SH3GL3: variants seen among roughly 807,000 people sequenced by gnomAD.
SH3GL3 encodes the protein SH3 domain containing GRB2 like 3, endophilin A3.
A neutral mutation model predicts 47.7 loss-of-function variants in SH3GL3; 33 were observed. The observed-to-expected ratio is 0.69, with a 90% CI of 0.52 to 0.92. SH3GL3 has a LOEUF of 0.92. Among genes scored for constraint, SH3GL3 ranks in the 40% least tolerant of loss-of-function variants. The pLI, the probability that SH3GL3 is intolerant of heterozygous loss-of-function variation, is 0.00. For synonymous variants in SH3GL3, 155 were observed against 148.8 expected (o/e 1.04, Z -0.30); for missense variants, 363 against 417.8 (o/e 0.87, Z 1.14).
chr15:83,525,185 G>C (rs986131548), intron 1 of SH3GL3, among the ~76,000 whole-genome samples: 10 of 151,666 alleles, frequency 6.6e-5, no homozygotes, highest in African/African-American at 2.4e-4. Context: ...TTGTCTTTTT[G>C]TTGATAGCCA....
At chr15:83,499,160 T>C (rs2042197502) in intron 1 of SH3GL3, among the ~76,000 whole-genome samples, 1 of 152,138 alleles carries the variant, frequency 6.6e-6, no homozygotes, top group African/African-American at 2.4e-5. Flanking sequence ...TTGCCTCTCA[T>C]GATCAGGGGC....
chr15:83,591,760 ACTGCAAGCTCCGCCTC>A (rs1338662060), intron 8 of SH3GL3, among the ~76,000 whole-genome samples: 1 of 152,096 alleles, frequency 6.6e-6, no homozygotes, highest in African/African-American at 2.4e-5. Flanking sequence ...ATCTCGGCTC[ACTGCAAGCTCCGCCTC>A]CTGGGTTCAG....
Position 83,568,660 on chromosome 15 carries a change from G to C in SH3GL3, c.319G>C (p.Asp107His). Residue 107 changes from aspartate (D) to histidine (H), a missense_variant, in exon 4 of 9, where the codon GAC becomes CAC. By Grantham distance (81) the Asp-to-His change is moderately conservative (BLOSUM62 -1). Coordinates refer to ENST00000427482, the MANE Select transcript of SH3GL3 (RefSeq NM_003027.5). The stretch of plus-strand genomic sequence containing the variant: ...GAAATACGGGAAGGAGCTCGGGGAA[G>C]ACTCCACCTTTGGTGAGTTATTCAG... Reference protein sequence around the residue: ...MLKYGKELGEDSTFGNALIEV... With the variant: ...MLKYGKELGEHSTFGNALIEV... 6.2e-7 allele frequency: 1 copy of C among 1,613,752 alleles called. No individual in the cohort carries two copies. Among genetic ancestry groups the C allele is most frequent in the Non-Finnish European group, 8.5e-7 (1 of 1,179,766 alleles).
At chr15:83,519,954 C>T (rs1246680916) in intron 1 of SH3GL3, among the ~76,000 whole-genome samples, 1 of 152,206 alleles carries the variant, frequency 6.6e-6, no homozygotes, top group Non-Finnish European at 1.5e-5. Context: ...TGCAAGCTAA[C>T]AAGTTAGCCT....
chr15:83,590,995 A>G (rs1354533296), intron 8 of SH3GL3, among the ~76,000 whole-genome samples: 1 of 152,088 alleles, frequency 6.6e-6, no homozygotes, highest in East Asian at 1.9e-4. Flanking sequence ...GCCCTAAATA[A>G]TAAATATTTT....
chr15:83,588,585 C>G, intron 7 of SH3GL3, 77 bp from the exon 8 acceptor site: 1 of 915,280 alleles, frequency 1.1e-6, no homozygotes. Flanking sequence ...TTCCTGTGCT[C>G]AACAAGGCAG....
intron 1 of SH3GL3, chr15:83,490,622 C>T (rs1226014049): frequency 9.1e-6 from 6 of 658,018 alleles, no homozygotes; most frequent in Non-Finnish European, 1.5e-5. Flanking sequence ...CTAGTTCAGC[C>T]TGGCACAGTA....
In SH3GL3 at chr15:83,587,022, G is replaced by T. The variant is rs779211967; in HGVS notation, c.664G>T (p.Ala222Ser). 8.1e-6 allele frequency: 13 copies of T among 1,610,888 alleles called. No individual in the cohort carries two copies. Among genetic ancestry groups the T allele is most frequent in the Non-Finnish European group, 1.1e-5 (13 of 1,178,626 alleles). Residue 222 changes from alanine (A) to serine (S), a missense_variant, in exon 7 of 9, where the codon GCA becomes TCA. By Grantham distance (99) the Ala-to-Ser change is moderately conservative (BLOSUM62 1). Transcript: ENST00000427482. ...VSQLAVFIEA[A>S]LDYHRQSTEI... ...CCAGTTGGCTGTGTTCATAGAGGCA[G>T]CATTAGACTATCACAGACAGTCCAC...
At chr15:83,579,675 A>T (rs1205923881) in intron 6 of SH3GL3, among the ~76,000 whole-genome samples, 1 of 152,162 alleles carries the variant, frequency 6.6e-6, no homozygotes, top group African/African-American at 2.4e-5. Flanking sequence ...AAAGAGGCTA[A>T]GGGGGTGCTG....
intron 1 of SH3GL3, among the ~76,000 whole-genome samples, chr15:83,485,316 A>G (rs1296237678): frequency 2.0e-5 from 3 of 152,112 alleles, no homozygotes; most frequent in African/African-American, 7.2e-5. Context: ...GTGTTCCTTC[A>G]TATATTAATG....
the SH3GL3 span, among the ~76,000 whole-genome samples, chr15:83,630,664 G>A: frequency 6.6e-6 from 1 of 152,116 alleles, no homozygotes; most frequent in Non-Finnish European, 1.5e-5. Flanking sequence ...CAGATCCTGT[G>A]AGAACTCACC....
At chr15:83,626,397 T>G in the SH3GL3 span, among the ~76,000 whole-genome samples, 1 of 152,216 alleles carries the variant, frequency 6.6e-6, no homozygotes, top group Non-Finnish European at 1.5e-5. Flanking sequence ...ATGACTTTAG[T>G]GATAAAGATT....
intron 8 of SH3GL3, chr15:83,609,151 A>T (rs909366304): frequency 6.2e-5 from 26 of 418,448 alleles, no homozygotes; most frequent in African/African-American, 3.7e-4. Flanking sequence ...TCACAGGATT[A>T]TTCTAAGGAT....
At chr15:83,502,710 C>T (rs2042344814) in intron 1 of SH3GL3, among the ~76,000 whole-genome samples, 1 of 152,098 alleles carries the variant, frequency 6.6e-6, no homozygotes, top group Non-Finnish European at 1.5e-5. Context: ...AGGCATGCTC[C>T]ACCTTGCCTG....
intron 8 of SH3GL3, among the ~76,000 whole-genome samples, chr15:83,593,010 A>G (rs2060147967): frequency 6.6e-6 from 1 of 152,150 alleles, no homozygotes; most frequent in South Asian, 2.1e-4. Context: ...TTACAATGTC[A>G]TGAGCACAGA....
At chr15:83,541,312 ATTTTTTTTT>A (rs71156085) in intron 1 of SH3GL3, among the ~76,000 whole-genome samples, 587 of 47,296 alleles carry the variant, frequency 0.012, 17 homozygotes, top group African/African-American at 0.031. Context: ...TGGTAATTCT[ATTTTTTTTT>A]TTTTTTTTTT....
At chr15:83,544,253 T>C (rs1315182906) in intron 1 of SH3GL3, among the ~76,000 whole-genome samples, 2 of 152,152 alleles carry the variant, frequency 1.3e-5, no homozygotes, top group African/African-American at 2.4e-5. Flanking sequence ...TCCTTCTTCA[T>C]TTCTTCATTG....
At chr15:83,559,710 A>G (rs956448162) in intron 2 of SH3GL3, among the ~76,000 whole-genome samples, 8 of 152,226 alleles carry the variant, frequency 5.3e-5, no homozygotes, top group African/African-American at 1.9e-4. Flanking sequence ...ACCGTGTGGA[A>G]GACTTGGGCT....
chr15:83,614,712 G>C (rs1298782998), intron 8 of SH3GL3, among the ~76,000 whole-genome samples: 2 of 152,126 alleles, frequency 1.3e-5, no homozygotes, highest in Non-Finnish European at 2.9e-5. Context: ...GTACAACCTG[G>C]GGAGCTCCGC....
Sources: allele counts gnomAD v4.1 joint callset (sites outside exome capture counted in the v4.1 genomes callset), GRCh38; gene constraint gnomAD v4.1.1; transcripts MANE v1.5; gene names NCBI Gene and HGNC (gene_info 2026-07-23, HGNC 2026-07-21).